The following CACNA1A variants were observed in gnomAD, a reference collection of about 807,000 sequenced individuals.
CACNA1A encodes the protein voltage-dependent P/Q-type calcium channel subunit alpha-1A.
Under a neutral mutation model 262.4 loss-of-function variants are expected in CACNA1A, and 57 were observed. The ratio of observed to expected loss-of-function variants is 0.22; its 90% CI spans 0.18 to 0.27. The LOEUF is 0.27. Ranked by LOEUF, CACNA1A falls within the 10% of genes least tolerant of loss-of-function variation. CACNA1A has a pLI of 1.00. For missense variants in CACNA1A, 2,526 were observed against 3,562.8 expected, an observed-to-expected ratio of 0.71 and a Z score of 7.41; for synonymous variants, 1,431 against 1,419.3, an observed-to-expected ratio of 1.01 and a Z score of -0.18.
intron 30 of CACNA1A, among the ~76,000 whole-genome samples, chr19:13,250,635 A>T (rs1478547907): frequency 6.6e-6 from 1 of 151,936 alleles, no homozygotes; most frequent in Non-Finnish European, 1.5e-5. Flanking sequence ...TGACCTCATG[A>T]TCCACCCACC....
At chr19:13,260,319 TATATATATATATA>T in intron 26 of CACNA1A, 2 of 76,636 alleles carry the variant, frequency 2.6e-5, no homozygotes, top group South Asian at 6.4e-4. Flanking sequence ...TATATACATA[TATATATATATATA>T]TTTTTGTTGT....
intron 3 of CACNA1A, among the ~76,000 whole-genome samples, chr19:13,379,245 T>C (rs2059470982): frequency 6.6e-6 from 1 of 152,086 alleles, no homozygotes; most frequent in African/African-American, 2.4e-5. Context: ...CCTCCCAAAG[T>C]GTTGGGATTA....
chr19:13,391,136 C>T (rs573430108), intron 3 of CACNA1A, among the ~76,000 whole-genome samples: 55 of 152,220 alleles, frequency 3.6e-4, no homozygotes, highest in African/African-American at 9.4e-4. Context: ...TCGCCTGCCT[C>T]GGCCTCCCAA....
At chr19:13,365,112 G>T in intron 5 of CACNA1A, 1 of 422,900 alleles carries the variant, frequency 2.4e-6, no homozygotes, top group Non-Finnish European at 4.2e-6. Flanking sequence ...CTCTTTCTCT[G>T]CTGGGTCACC....
chr19:13,350,657 T>G (rs2058890109), intron 6 of CACNA1A, among the ~76,000 whole-genome samples: 1 of 152,138 alleles, frequency 6.6e-6, no homozygotes, highest in African/African-American at 2.4e-5. Flanking sequence ...TGGGACTTGT[T>G]GTTGATGTGT....
intron 19 of CACNA1A, among the ~76,000 whole-genome samples, chr19:13,289,596 C>A (rs1202798208): frequency 6.6e-6 from 1 of 152,188 alleles, no homozygotes; most frequent in African/African-American, 2.4e-5. Context: ...ACCTTCTTTA[C>A]CACATAATCT....
In CACNA1A at chr19:13,332,099, C is replaced by T. The variant is rs1488409417; in HGVS notation, c.1255+770G>A. Among the ~76,000 whole-genome samples, 4 of 152,186 alleles carry T rather than the reference C, an allele frequency of 2.6e-5. 1 individual carries two copies. Among genetic ancestry groups the T allele is most frequent in the African/African-American group, 7.2e-5 (3 of 41,446 alleles). On this transcript the variant is annotated intron_variant, in intron 9 of 46. Coordinates refer to ENST00000360228, the MANE Select transcript of CACNA1A (RefSeq NM_001127222.2). ...CTTTTGGACACCTTTTTAATGGTCC[C>T]TCCTTTCATATTCAGGTTTCCAGGG...
At chr19:13,315,012 G>A (rs1046065343) in intron 11 of CACNA1A, among the ~76,000 whole-genome samples, 2 of 152,102 alleles carry the variant, frequency 1.3e-5, no homozygotes, top group African/African-American at 4.8e-5. Context: ...AGCAGGTGAT[G>A]CACAAGACTT....
chr19:13,265,970 G>A (rs1236588109), intron 24 of CACNA1A, among the ~76,000 whole-genome samples: 3 of 151,304 alleles, frequency 2.0e-5, no homozygotes, highest in African/African-American at 7.3e-5. Context: ...TCAGCCTCCC[G>A]AGTAGCTGGG....
At chr19:13,260,724 T>C (rs963539137) in intron 26 of CACNA1A, 4 of 150,872 alleles carry the variant, frequency 2.7e-5, no homozygotes, top group African/African-American at 7.3e-5. Flanking sequence ...TCATAGTGCA[T>C]TGCAGCCTTG....
chr19:13,227,687 T>TA, intron 36 of CACNA1A, 160 bp from the exon 37 acceptor site: 1 of 359,588 alleles, frequency 2.8e-6, no homozygotes, highest in Non-Finnish European at 5.0e-6. Flanking sequence ...CAGAGAATGA[T>TA]AAAATAGATA....
intron 1 of CACNA1A, among the ~76,000 whole-genome samples, chr19:13,497,488 CAAAAAAAAAAAAAAA>C (rs59964256): frequency 8.5e-3 from 34 of 3,988 alleles, no homozygotes; most frequent in Admixed American, 0.018. Context: ...AACTCCATCT[CAAAAAAAAAAAAAAA>C]AAAAAAAAAA....
chr19:13,408,365 G>A (rs569871854), intron 3 of CACNA1A, among the ~76,000 whole-genome samples: 184 of 152,154 alleles, frequency 1.2e-3, no homozygotes, highest in African/African-American at 4.1e-3. Flanking sequence ...GTGAGACCCC[G>A]TTTCAAAAAT....
intron 3 of CACNA1A, among the ~76,000 whole-genome samples, chr19:13,442,924 T>A (rs1344693576): frequency 1.3e-5 from 2 of 152,228 alleles, no homozygotes; most frequent in Non-Finnish European, 2.9e-5. Context: ...TAGCGTAGGA[T>A]TCAAGAAAAT....
intron 30 of CACNA1A, among the ~76,000 whole-genome samples, chr19:13,251,221 C>T (rs1023765527): frequency 2.0e-5 from 3 of 151,654 alleles, no homozygotes; most frequent in Non-Finnish European, 4.4e-5. Flanking sequence ...CGGTGGCTCC[C>T]GCCTGTAATC....
rs201526813 is a variant in CACNA1A, at chr19:13,282,697, TG to T, written c.3822+569del. 2.7e-3 allele frequency among the ~76,000 whole-genome samples: 392 copies of T among 147,452 alleles called. 1 individual carries two copies. Among genetic ancestry groups the T allele is most frequent in the African/African-American group, 9.4e-3 (375 of 40,104 alleles). On this transcript the variant is annotated intron_variant, in intron 22 of 46. Transcript: ENST00000360228. ...AAATGGGGATGCCTGGGCGGGGGGT[TG>T]GGGGGGCGCATTGTGAGGATTAAAT...
At chr19:13,222,394 CTTT>C (rs71168689) in intron 38 of CACNA1A, among the ~76,000 whole-genome samples, 2 of 91,150 alleles carry the variant, frequency 2.2e-5, no homozygotes, top group Admixed American at 1.3e-4. Context: ...GCCTTCTCGG[CTTT>C]TTTTTTTTTT....
chr19:13,495,553 C>T (rs1469378257), intron 1 of CACNA1A, among the ~76,000 whole-genome samples: 1 of 152,126 alleles, frequency 6.6e-6, no homozygotes, highest in Admixed American at 6.5e-5. Flanking sequence ...GCCTCGGCCT[C>T]CCAAAGTCCT....
intron 3 of CACNA1A, among the ~76,000 whole-genome samples, chr19:13,382,374 C>A (rs1383781238): frequency 2.0e-5 from 3 of 152,172 alleles, no homozygotes; most frequent in Non-Finnish European, 4.4e-5. Flanking sequence ...AATCTCACCA[C>A]CCTGTGCAAT....
Sources: allele counts gnomAD v4.1 joint callset (sites outside exome capture counted in the v4.1 genomes callset), GRCh38; gene constraint gnomAD v4.1.1; transcripts MANE v1.5; gene names NCBI Gene and HGNC (gene_info 2026-07-23, HGNC 2026-07-21).